CFAP92: variants seen among roughly 807,000 people sequenced by gnomAD.
The protein encoded by CFAP92 is uncharacterized protein CFAP92.
CFAP92 carries 86 observed loss-of-function variants against 106.3 expected under a neutral mutation model. That is an observed-to-expected ratio of 0.81 (90% CI 0.68 to 0.97). CFAP92 has a LOEUF of 0.97. Among genes scored for constraint, CFAP92 ranks in the 50% least tolerant of loss-of-function variants. The pLI is 0.00. For synonymous variants in CFAP92, 477 were observed against 506.4 expected (o/e 0.94, Z 0.78); for missense variants, 1,204 against 1,283.8 (o/e 0.94, Z 0.95).
intron 15 of CFAP92, chr3:128,912,433 T>C: frequency 7.2e-7 from 1 of 1,381,520 alleles, no homozygotes; most frequent in Non-Finnish European, 1.0e-6. Flanking sequence ...TGTGGAAAAA[T>C]GCCCCCACTT....
At chr3:128,951,218 G>C (rs560760386) in intron 9 of CFAP92, among the ~76,000 whole-genome samples, 13 of 150,360 alleles carry the variant, frequency 8.6e-5, no homozygotes, top group African/African-American at 3.2e-4. Flanking sequence ...CTGGGTGACA[G>C]AGCGAGACTC....
At position 128,936,315 on chromosome 3, in the gene CFAP92, C is replaced by T. The variant is rs533426355; in HGVS notation, c.2259-996G>A. Reference sequence around the variant, plus strand: ...GGTTTGGGTATTTTGCCCATACTTTCTTTCCACTGGGAGTTTTTCTTATTG... The same window carrying T: ...GGTTTGGGTATTTTGCCCATACTTTTTTTCCACTGGGAGTTTTTCTTATTG... On this transcript the variant is annotated intron_variant, in intron 10 of 15. Coordinates refer to ENST00000645291, the MANE Select transcript of CFAP92 (RefSeq NM_001394090.1). 3.3e-5 allele frequency among the ~76,000 whole-genome samples: 5 copies of T among 152,328 alleles called. No individual in the cohort carries two copies. In the South Asian group the frequency reaches 1.0e-3, roughly 32 times the overall value.
the CFAP92 span, among the ~76,000 whole-genome samples, chr3:129,021,299 G>T: frequency 5.3e-5 from 8 of 152,206 alleles, no homozygotes; most frequent in Non-Finnish European, 1.2e-4. Context: ...TATACAAAGG[G>T]TTTTCCAAGA....
At chr3:128,920,531 C>T (rs1347011707) in intron 12 of CFAP92, among the ~76,000 whole-genome samples, 1 of 152,188 alleles carries the variant, frequency 6.6e-6, no homozygotes, top group Non-Finnish European at 1.5e-5. Context: ...ATTAAAGTTA[C>T]AATCCAGTGG....
intron 2 of CFAP92, among the ~76,000 whole-genome samples, chr3:128,992,288 G>A (rs1186077967): frequency 2.0e-5 from 3 of 152,126 alleles, no homozygotes; most frequent in Non-Finnish European, 4.4e-5. Context: ...TTGGCCGGGT[G>A]CGGTGGCTCA....
intron 4 of CFAP92, among the ~76,000 whole-genome samples, chr3:128,985,928 C>T (rs984546597): frequency 6.6e-6 from 1 of 152,180 alleles, no homozygotes; most frequent in Non-Finnish European, 1.5e-5. Flanking sequence ...CTACTGGCAG[C>T]TAGTGGGTAG....
chr3:128,920,380 G>A (rs1937169116), intron 12 of CFAP92, among the ~76,000 whole-genome samples: 1 of 151,942 alleles, frequency 6.6e-6, no homozygotes, highest in South Asian at 2.1e-4. Flanking sequence ...CTCTAGCCTG[G>A]GCCACAGAGC....
rs73862593 is a variant in CFAP92, at chr3:128,910,273, G to T, written c.*26C>A. On this transcript the variant is annotated 3_prime_UTR_variant, in exon 16 of 16. Coordinates refer to ENST00000645291, the MANE Select transcript of CFAP92 (RefSeq NM_001394090.1). ...GGGAGGCTGTGCAGGTTCACCATGC[G>T]GTGGCCGTGGGAGGGTCTGTGCTGC... The T allele has an allele frequency of 2.6e-6, 4 of 1,529,064 alleles. No homozygotes were observed. The highest frequency in any genetic ancestry group is 2.7e-5 in the African/African-American group (2 of 73,458). The allele number at this position is 1,529,064 out of a possible 1,614,324, so 94.7% of individuals were successfully genotyped here. A position where few individuals can be genotyped will look rare whatever the true frequency, so the allele number is the denominator to read the frequency against.
In CFAP92 at chr3:128,993,147, C is replaced by CT; in HGVS notation, c.157dup (p.Ser53LysfsTer8). 1 of 1,614,088 alleles carries CT rather than the reference C, an allele frequency of 6.2e-7. No individual in the cohort carries two copies. The highest frequency in any genetic ancestry group is 1.1e-5 in the South Asian group (1 of 91,090). On this transcript the variant is annotated frameshift_variant, in exon 2 of 16. Coordinates refer to ENST00000645291, the MANE Select transcript of CFAP92 (RefSeq NM_001394090.1). LOFTEE classifies it high-confidence loss of function. ...AGGCTCAGATGAGGACTCGATGCTG[C>CT]TGCACGGGCGGTCAGAGTCAGACTC... is the stretch of plus-strand genomic sequence containing the variant.
intron 9 of CFAP92, among the ~76,000 whole-genome samples, chr3:128,963,722 G>T (rs1576547123): frequency 6.7e-6 from 1 of 149,972 alleles, no homozygotes; most frequent in Non-Finnish European, 1.5e-5. Flanking sequence ...GGCAGGCTAT[G>T]CTATAGTACA....
chr3:129,025,603 A>G, the CFAP92 span, among the ~76,000 whole-genome samples: 1 of 152,036 alleles, frequency 6.6e-6, no homozygotes, highest in East Asian at 1.9e-4. Context: ...TGGTCAGAGG[A>G]TGTTTTGTGT....
chr3:128,944,444 T>G (rs1342947535), intron 10 of CFAP92, among the ~76,000 whole-genome samples: 1 of 152,104 alleles, frequency 6.6e-6, no homozygotes, highest in East Asian at 1.9e-4. Context: ...GACTCCCCAC[T>G]GCATCCAAGT....
chr3:128,921,527 T>C (rs1242858468), intron 12 of CFAP92, among the ~76,000 whole-genome samples: 1 of 152,240 alleles, frequency 6.6e-6, no homozygotes, highest in Non-Finnish European at 1.5e-5. Flanking sequence ...TAGCTCAGGC[T>C]ATGGCTGGAT....
chr3:128,937,957 T>C (rs550240292), intron 10 of CFAP92, among the ~76,000 whole-genome samples: 1 of 151,496 alleles, frequency 6.6e-6, no homozygotes, highest in Middle Eastern at 3.4e-3. Context: ...TCAGCTACTA[T>C]GGAGGTTGAG....
chr3:128,994,058 G>C lies in CFAP92; in HGVS notation c.-111C>G. 2.0e-6 allele frequency: 2 copies of C among 986,590 alleles called. No individual in the cohort carries two copies. Among genetic ancestry groups the C allele is most frequent in the Non-Finnish European group, 2.4e-6 (2 of 830,534 alleles). The allele number at this position is 986,590 out of a possible 1,614,324, so 61.1% of individuals were successfully genotyped here. A position where few individuals can be genotyped will look rare whatever the true frequency, so the allele number is the denominator to read the frequency against. On this transcript the variant is annotated 5_prime_UTR_variant, in exon 1 of 16. Transcript: ENST00000645291. ...CCGTACCGGATCCACAGCCACCTGG[G>C]CGAAGAGACTCCAAGACTGAGAGGA...
chr3:128,935,017 GC>G lies in CFAP92; in HGVS notation c.2453+107del, dbSNP rs532431879. The G allele has an allele frequency of 3.4e-4, 273 of 806,802 alleles. 2 individuals are homozygous for G. The South Asian group carries it at 5.3e-3, about 16-fold the overall frequency. The allele number at this position is 806,802 out of a possible 1,614,324, so 50.0% of individuals were successfully genotyped here. ...CCTCCTCCCCCCACCATCTGTTGGG[GC>G]CACTATCTAGTTGTTGGATGCCCCA... On this transcript the variant is annotated intron_variant, in intron 11 of 15. Transcript: ENST00000645291.
chr3:128,951,727 G>A (rs1042433008), intron 9 of CFAP92, among the ~76,000 whole-genome samples: 1 of 152,090 alleles, frequency 6.6e-6, no homozygotes, highest in Non-Finnish European at 1.5e-5. Context: ...CAAACTTTTA[G>A]GCAAATAACC....
chr3:128,980,548 T>G (rs1407545896), intron 4 of CFAP92, among the ~76,000 whole-genome samples: 1 of 152,050 alleles, frequency 6.6e-6, no homozygotes, highest in Non-Finnish European at 1.5e-5. Context: ...CATGAACGGT[T>G]TCTCTGTAGC....
Position 128,915,243 on chromosome 3 carries a change from T to C in CFAP92, c.3156A>G (p.Val1052=). 3 of 1,536,128 alleles carry C rather than the reference T, an allele frequency of 2.0e-6. No homozygotes were observed. Among genetic ancestry groups the C allele is most frequent in the Non-Finnish European group, 2.6e-6 (3 of 1,146,914 alleles). ...TGTCTCGATCCAACACAGGCTCCAGTACATTAGCAAACAGGGAGTTTTCCT... is the reference window on the plus strand; with the variant it reads ...TGTCTCGATCCAACACAGGCTCCAGCACATTAGCAAACAGGGAGTTTTCCT... ...EWKENSLFAN[V]LEPVLDRDRW... is the part of the protein sequence containing the mutation. The change falls in exon 15 of 16, where the codon GTA becomes GTG. Residue 1052 remains valine, a synonymous_variant. Coordinates refer to ENST00000645291, the MANE Select transcript of CFAP92 (RefSeq NM_001394090.1).
Sources: gnomAD v4.1 joint callset for allele counts (sites outside exome capture counted in the v4.1 genomes callset) on GRCh38, gnomAD v4.1.1 for gene constraint, MANE v1.5 for transcripts, NCBI Gene and HGNC (gene_info 2026-07-23, HGNC 2026-07-21) for gene names.